The following MLH3 variants were observed in gnomAD, a reference collection of about 807,000 sequenced individuals.
The protein encoded by MLH3 is mutL homolog 3.
A neutral mutation model predicts 122.2 loss-of-function variants in MLH3; 82 were observed. That is an observed-to-expected ratio of 0.67 (90% CI 0.56 to 0.81). The LOEUF is 0.81. Among genes scored for constraint, MLH3 ranks in the 30% least tolerant of loss-of-function variants. The pLI is 0.00. For missense variants in MLH3, 1,539 were observed against 1,714.5 expected, an observed-to-expected ratio of 0.90 and a Z score of 1.81; for synonymous variants, 524 against 599.5, an observed-to-expected ratio of 0.87 and a Z score of 1.84.
At position 75,022,752 on chromosome 14, in the gene MLH3, GGCAGCCCTGCCAGGGCTCTGCAT is replaced by G. The variant is rs755808377; in HGVS notation, c.4090+39_4090+61del. 1.5e-4 allele frequency: 215 copies of G among 1,432,384 alleles called. No individual in the cohort carries two copies. The highest frequency in any genetic ancestry group is 2.1e-4 in the Non-Finnish European group (210 of 1,015,128). The allele number at this position is 1,432,384 out of a possible 1,614,324, so 88.7% of individuals were successfully genotyped here. On this transcript the variant is annotated intron_variant, in intron 11 of 12. Transcript: ENST00000355774. ...TACCCTCTGCCTCTTTTGTAATCCC[GGCAGCCCTGCCAGGGCTCTGCAT>G]GCAGAGGTGTTTGATCACTGCTATG...
In MLH3 at chr14:75,048,813, T is replaced by C. The variant is rs1274845890; in HGVS notation, c.843A>G (p.Pro281=). 1 of 1,614,218 alleles carries C rather than the reference T, an allele frequency of 6.2e-7. No individual in the cohort carries two copies. The highest frequency in any genetic ancestry group is 1.1e-5 in the South Asian group (1 of 91,080). The change falls in exon 2 of 13, where the codon CCA becomes CCG. Residue 281 remains proline, a synonymous_variant. Coordinates refer to ENST00000355774, the MANE Select transcript of MLH3 (RefSeq NM_001040108.2). ...TTTGCCTACTGGTGGGACCATTCTTTGGCTTGCATATAATACTTTCTTTCC... is the reference window on the plus strand; with the variant it reads ...TTTGCCTACTGGTGGGACCATTCTTCGGCTTGCATATAATACTTTCTTTCC... ...LLRKESIICK[P]KNGPTSRQMN... is the part of the protein sequence containing the mutation.
At chr14:75,023,340 C>A (rs1314447375) in intron 9 of MLH3, among the ~76,000 whole-genome samples, 3 of 152,200 alleles carry the variant, frequency 2.0e-5, no homozygotes, top group Non-Finnish European at 4.4e-5. Flanking sequence ...ATCAGGAAGG[C>A]TTCTCACTAA....
chr14:75,020,293 C>T (rs1171019559), intron 11 of MLH3, among the ~76,000 whole-genome samples: 1 of 152,118 alleles, frequency 6.6e-6, no homozygotes, highest in South Asian at 2.1e-4. Context: ...ATTTCTATCC[C>T]AAGAGCAATG....
In MLH3 at chr14:75,048,342, T is replaced by C. The variant is rs374031971; in HGVS notation, c.1314A>G (p.Ala438=). Reference sequence around the variant, plus strand: ...CACCTGATTCATAAATGTACAAAAATGCATCATTTGTATTTTTTCTGGTAG... The same window carrying C: ...CACCTGATTCATAAATGTACAAAAACGCATCATTTGTATTTTTTCTGGTAG... The part of the protein sequence containing the change: ...SEATRKNTND[A]FLYIYESGGP... Residue 438 remains alanine (A), a synonymous_variant, in exon 2 of 13, where the codon GCA becomes GCG. Transcript: ENST00000355774. 3 of 1,613,764 alleles carry C rather than the reference T, an allele frequency of 1.9e-6. No homozygotes were observed. Among genetic ancestry groups the C allele is most frequent in the African/African-American group, 2.7e-5 (2 of 74,932 alleles).
intron 12 of MLH3, 52 bp from the exon 13 acceptor site, chr14:75,017,253 T>C (rs776288223): frequency 2.5e-6 from 4 of 1,593,908 alleles, no homozygotes; most frequent in East Asian, 2.3e-5. Flanking sequence ...GTAGGTAGCA[T>C]ACAGGCTGGG....
chr14:75,033,550 G>A (rs1891193923), intron 6 of MLH3, 60 bp from the exon 7 acceptor site: 3 of 1,298,392 alleles, frequency 2.3e-6, no homozygotes. Context: ...CATCATGTGT[G>A]TTGAGGACAG....
intron 11 of MLH3, among the ~76,000 whole-genome samples, chr14:75,021,478 C>G (rs1274899570): frequency 3.9e-5 from 6 of 152,106 alleles, no homozygotes. Flanking sequence ...AATAAATTAA[C>G]AAGCAAAAAC....
chr14:75,047,469 T>C lies in MLH3; in HGVS notation c.2187A>G (p.Lys729=). ...WYRHVSNDSR[K]TDKLIGFSKP... ...TGGAGAAACCAATTAATTTATCTGT[T>C]TTCCTACTATCATTGGAAACGTGTC... is the stretch of plus-strand genomic sequence containing the variant. Residue 729 remains lysine (K), a synonymous_variant, in exon 2 of 13, where the codon AAA becomes AAG. Coordinates refer to ENST00000355774, the MANE Select transcript of MLH3 (RefSeq NM_001040108.2). 1 of 1,614,048 alleles carries C rather than the reference T, an allele frequency of 6.2e-7. No homozygotes were observed. The highest frequency in any genetic ancestry group is 1.6e-4 in the Middle Eastern group (1 of 6,084).
At chr14:75,030,494 A>T (rs1890971277) in intron 9 of MLH3, 49 bp downstream of exon 9, 2 of 1,553,390 alleles carry the variant, frequency 1.3e-6, no homozygotes, top group South Asian at 2.2e-5. Flanking sequence ...ACAAAATATG[A>T]GGTTACCATC....
intron 1 of MLH3, chr14:75,050,842 A>G (rs755192055): frequency 2.0e-5 from 3 of 152,272 alleles, no homozygotes; most frequent in Non-Finnish European, 4.4e-5. Context: ...CAAAACAAAA[A>G]AAACCAAACC....
chr14:75,017,270 G>T (rs56345310), intron 12 of MLH3, 69 bp from the exon 13 acceptor site: 7 of 1,524,318 alleles, frequency 4.6e-6, no homozygotes, highest in Non-Finnish European at 6.3e-6. Flanking sequence ...TGGGCGAGGT[G>T]ACTCACACCT....
At chr14:75,022,741 T>C in intron 11 of MLH3, 73 bp downstream of exon 11, 1 of 1,309,318 alleles carries the variant, frequency 7.6e-7, no homozygotes, top group South Asian at 1.2e-5. Context: ...CTCTGCCTCT[T>C]TTGTAATCCC....
At chr14:75,038,459 A>G in intron 5 of MLH3, 47 bp from the exon 6 acceptor site, 1 of 1,201,868 alleles carries the variant, frequency 8.3e-7, no homozygotes, top group Non-Finnish European at 1.2e-6. Flanking sequence ...AAAAATTAAC[A>G]AAGGCTTATT....
At chr14:75,025,699 G>T (rs1890583359) in intron 9 of MLH3, among the ~76,000 whole-genome samples, 1 of 152,062 alleles carries the variant, frequency 6.6e-6, no homozygotes, top group Non-Finnish European at 1.5e-5. Flanking sequence ...CTCTCAGATA[G>T]ATATGTACAG....
At chr14:75,050,175 A>T (rs1892567452) in intron 1 of MLH3, among the ~76,000 whole-genome samples, 1 of 152,260 alleles carries the variant, frequency 6.6e-6, no homozygotes. Context: ...TTGCTAAGAC[A>T]TTGTAATAAG....
intron 6 of MLH3, among the ~76,000 whole-genome samples, chr14:75,033,812 T>G (rs946265399): frequency 3.3e-5 from 5 of 152,200 alleles, no homozygotes; most frequent in African/African-American, 1.2e-4. Context: ...TTTTATCCTA[T>G]AAGTTTTATT....
At chr14:75,040,935 A>G (rs1371651085) in intron 4 of MLH3, among the ~76,000 whole-genome samples, 2 of 152,222 alleles carry the variant, frequency 1.3e-5, no homozygotes, top group African/African-American at 4.8e-5. Flanking sequence ...CCTCTACATT[A>G]AACAGTAATT....
In MLH3 at chr14:75,016,326, C is replaced by CA. The variant is rs1307020426; in HGVS notation, c.*755dup. The CA allele has an allele frequency of 8.3e-5, 16 of 193,196 alleles. No individual in the cohort carries two copies. The highest frequency in any genetic ancestry group is 1.9e-4 in the South Asian group (1 of 5,154). 12.0% of individuals were successfully genotyped at this position (193,196 alleles called of 1,614,324 possible). A position where few individuals can be genotyped will look rare whatever the true frequency, so the allele number is the denominator to read the frequency against. ...CATAAAGAGATACTTTATAAAGTAC[C>CA]AAAAAAAATCATATTTTAAAAAACA... On this transcript the variant is annotated 3_prime_UTR_variant, in exon 13 of 13. Coordinates refer to ENST00000355774, the MANE Select transcript of MLH3 (RefSeq NM_001040108.2).
chr14:75,043,235 T>A (rs1379580469), intron 2 of MLH3, among the ~76,000 whole-genome samples: 1 of 152,246 alleles, frequency 6.6e-6, no homozygotes. Context: ...CATACAGCAG[T>A]ACTTGTCAGC....
Sources: gnomAD v4.1 joint callset for allele counts (sites outside exome capture counted in the v4.1 genomes callset) on GRCh38, gnomAD v4.1.1 for gene constraint, MANE v1.5 for transcripts, NCBI Gene and HGNC (gene_info 2026-07-23, HGNC 2026-07-21) for gene names.